Variants in DISC1 observed in about 807,000 individuals in gnomAD.
DISC1 encodes the protein disrupted in schizophrenia 1 protein.
In DISC1, 57 loss-of-function variants were observed where a neutral mutation model predicts 84.5. The observed-to-expected ratio is 0.67, with a 90% CI of 0.55 to 0.84. The LOEUF is 0.84. Among genes scored for constraint, DISC1 ranks in the 40% least tolerant of loss-of-function variants. The probability of loss-of-function intolerance (pLI) is 0.00; values close to 1 mark genes in which losing one functional copy is unlikely to be tolerated. For synonymous variants in DISC1, 411 were observed against 415.2 expected (o/e 0.99, Z 0.12); for missense variants, 1,000 against 1,057.8 (o/e 0.95, Z 0.76).
In DISC1 at chr1:231,942,061, C is replaced by T. The variant is rs76178247; in HGVS notation, c.1982-16767C>T. On this transcript the variant is annotated intron_variant, in intron 9 of 12. Transcript: ENST00000439617. ...GACGTGTGATCTGGGGGCCGGGGGA[C>T]GAGGTAACCAGGGGATGAGGGAAAG... 4.1e-3 allele frequency among the ~76,000 whole-genome samples: 629 copies of T among 151,764 alleles called. 2 individuals carry two copies. Among genetic ancestry groups the T allele is most frequent in the African/African-American group, 0.014 (596 of 41,350 alleles).
intron 10 of DISC1, among the ~76,000 whole-genome samples, chr1:231,999,348 T>TA (rs908896135): frequency 1.2e-4 from 18 of 152,154 alleles, no homozygotes; most frequent in African/African-American, 3.9e-4. Flanking sequence ...CCTACATACC[T>TA]ACTTCATGAA....
At position 231,890,503 on chromosome 1, in the gene DISC1, TTAGA is replaced by T. The variant is rs146464287; in HGVS notation, c.1982-68321_1982-68318del. On this transcript the variant is annotated intron_variant, in intron 9 of 12. Coordinates refer to ENST00000439617, the MANE Select transcript of DISC1 (RefSeq NM_018662.3). ...AAAATGACACTATATATGATTTAACTTAGATAGCTAGAATAGTCAAATACATAGA... is the reference window on the plus strand; with the variant it reads ...AAAATGACACTATATATGATTTAACTTAGCTAGAATAGTCAAATACATAGA... Among the ~76,000 whole-genome samples, 1,284 of 152,336 alleles carry T rather than the reference TTAGA, an allele frequency of 8.4e-3. 12 individuals carry two copies. The highest frequency in any genetic ancestry group is 0.024 in the Middle Eastern group (7 of 294).
At chr1:231,975,140 A>C (rs994073677) in intron 10 of DISC1, among the ~76,000 whole-genome samples, 12 of 152,114 alleles carry the variant, frequency 7.9e-5, no homozygotes, top group East Asian at 3.8e-4. Flanking sequence ...ACAACAACAA[A>C]AAACAAAGAA....
intron 1 of DISC1, among the ~76,000 whole-genome samples, chr1:231,645,473 C>T (rs2060041145): frequency 6.6e-6 from 1 of 151,778 alleles, no homozygotes; most frequent in Non-Finnish European, 1.5e-5. Context: ...GTTAGGAGGG[C>T]AGAGACCAGG....
At chr1:231,917,287 CTTCT>C (rs2089701855) in intron 9 of DISC1, among the ~76,000 whole-genome samples, 2 of 152,186 alleles carry the variant, frequency 1.3e-5, no homozygotes, top group African/African-American at 2.4e-5. Context: ...AAGGCATTCT[CTTCT>C]ATCGAGATGC....
chr1:231,820,691 C>G (rs577065957), intron 9 of DISC1, among the ~76,000 whole-genome samples: 1 of 152,136 alleles, frequency 6.6e-6, no homozygotes, highest in East Asian at 1.9e-4. Flanking sequence ...CAAGTCCAGT[C>G]AGAAAAAAAA....
At chr1:231,632,852 C>G (rs2058844103) in intron 1 of DISC1, among the ~76,000 whole-genome samples, 1 of 152,164 alleles carries the variant, frequency 6.6e-6, no homozygotes, top group Non-Finnish European at 1.5e-5. Context: ...GGGCAGATGA[C>G]CTGAGGTCAG....
intron 9 of DISC1, among the ~76,000 whole-genome samples, chr1:231,891,196 A>G (rs2087182062): frequency 6.6e-6 from 1 of 152,188 alleles, no homozygotes; most frequent in South Asian, 2.1e-4. Context: ...ACTAACACTA[A>G]CAATAGCTGA....
intron 9 of DISC1, among the ~76,000 whole-genome samples, chr1:231,900,615 A>T (rs2088096637): frequency 6.6e-6 from 1 of 152,188 alleles, no homozygotes; most frequent in African/African-American, 2.4e-5. Context: ...TTACTTTCTT[A>T]GGAAGAGAAT....
intron 10 of DISC1, among the ~76,000 whole-genome samples, chr1:232,006,988 C>G (rs821608): frequency 0.39 from 59,822 of 152,030 alleles, 13,651 homozygotes; most frequent in African/African-American, 0.64. Flanking sequence ...TTCAGAGGGT[C>G]CAAGCCCCAA....
chr1:231,952,455 G>GTT (rs566672370), intron 9 of DISC1, among the ~76,000 whole-genome samples: 215 of 152,164 alleles, frequency 1.4e-3, no homozygotes, highest in African/African-American at 4.5e-3. Flanking sequence ...TCTCTTGAGA[G>GTT]TTCTAGCTAA....
chr1:231,755,645 G>T (rs988933223), intron 4 of DISC1, among the ~76,000 whole-genome samples: 6 of 151,966 alleles, frequency 3.9e-5, no homozygotes, highest in Non-Finnish European at 8.8e-5. Flanking sequence ...ATTTACCGTT[G>T]TTCTCCCCAT....
intron 1 of DISC1, 49 bp from the exon 2 acceptor site, chr1:231,693,777 G>A (rs752049818): frequency 1.2e-6 from 2 of 1,610,870 alleles, no homozygotes; most frequent in Non-Finnish European, 1.7e-6. Flanking sequence ...TTCCAGCTGG[G>A]CCAGTAAGAT....
intron 1 of DISC1, among the ~76,000 whole-genome samples, chr1:231,662,918 T>G (rs907590721): frequency 6.6e-6 from 1 of 151,944 alleles, no homozygotes; most frequent in Non-Finnish European, 1.5e-5. Context: ...CTGTAAGATA[T>G]AAAGGAGGCA....
At chr1:232,014,150 C>G (rs1668271299) in intron 11 of DISC1, among the ~76,000 whole-genome samples, 1 of 152,160 alleles carries the variant, frequency 6.6e-6, no homozygotes, top group African/African-American at 2.4e-5. Context: ...TTGTCTTAAA[C>G]TGATTTCTAT....
At chr1:231,969,196 T>TTTTG (rs890887177) in intron 10 of DISC1, among the ~76,000 whole-genome samples, 5 of 148,026 alleles carry the variant, frequency 3.4e-5, no homozygotes, top group African/African-American at 1.3e-4. Context: ...GTTTTTTTTT[T>TTTTG]TTTTTTTTTT....
intron 9 of DISC1, 97 bp downstream of exon 9, chr1:231,818,614 G>GTGAAGAGCGTCA: frequency 6.4e-7 from 1 of 1,552,098 alleles, no homozygotes; most frequent in Non-Finnish European, 8.7e-7. Flanking sequence ...GAACGTCACT[G>GTGAAGAGCGTCA]TGAAGAGCGT....
At chr1:231,661,872 G>A (rs1044569204) in intron 1 of DISC1, among the ~76,000 whole-genome samples, 7 of 152,084 alleles carry the variant, frequency 4.6e-5, no homozygotes, top group Non-Finnish European at 7.4e-5. Flanking sequence ...TATCTTTGTG[G>A]GCTTATCTAC....
chr1:231,839,851 G>A (rs765748563), intron 9 of DISC1, among the ~76,000 whole-genome samples: 7 of 152,090 alleles, frequency 4.6e-5, no homozygotes, highest in East Asian at 1.9e-4. Context: ...GCGAGGTGGA[G>A]GTGCCAGGCT....
Sources: allele counts gnomAD v4.1 joint callset (sites outside exome capture counted in the v4.1 genomes callset), GRCh38; gene constraint gnomAD v4.1.1; transcripts MANE v1.5; gene names NCBI Gene and HGNC (gene_info 2026-07-23, HGNC 2026-07-21).